VCAN: variants seen among roughly 807,000 people sequenced by gnomAD.
The protein encoded by VCAN is versican core protein.
VCAN carries 44 observed loss-of-function variants against 245.5 expected under a neutral mutation model. The observed-to-expected ratio is 0.18, with a 90% CI of 0.14 to 0.23. The LOEUF (loss-of-function observed/expected upper bound fraction) is 0.23, where lower values mean the gene tolerates loss of function less well. Ranked by LOEUF, VCAN falls within the 10% of genes least tolerant of loss-of-function variation. The pLI is 1.00. For synonymous variants in VCAN, 1,413 were observed against 1,437.0 expected (o/e 0.98, Z 0.38); for missense variants, 3,793 against 4,057.9 (o/e 0.93, Z 1.77).
chr5:83,522,022 A>C lies in VCAN; in HGVS notation c.3716A>C (p.Glu1239Ala). The C allele has an allele frequency of 6.2e-7, 1 of 1,614,220 alleles. No individual in the cohort carries two copies. Among genetic ancestry groups the C allele is most frequent in the South Asian group, 1.1e-5 (1 of 91,082 alleles). Residue 1239 changes from glutamate to alanine, a missense_variant, in exon 7 of 15, where the codon GAA becomes GCA. By Grantham distance (107) the Glu-to-Ala change is moderately radical. Transcript: ENST00000265077. ...ITKKPPLIDR[E>A]PGEETTSDMV... The stretch of plus-strand genomic sequence containing the variant: ...AAGAAACCACCTCTCATCGACAGGG[A>C]ACCTGGTGAAGAAACAACCAGTGAC...
intron 13 of VCAN, among the ~76,000 whole-genome samples, chr5:83,575,480 C>T (rs1224591215): frequency 6.6e-6 from 1 of 152,126 alleles, no homozygotes; most frequent in Admixed American, 6.6e-5. Flanking sequence ...CCAATGGTCC[C>T]TGGAGTCATA....
At chr5:83,491,565 TTCTC>T (rs143570594) in intron 3 of VCAN, among the ~76,000 whole-genome samples, 2 of 150,172 alleles carry the variant, frequency 1.3e-5, no homozygotes, top group Admixed American at 6.6e-5. Context: ...CTACTGTGAT[TTCTC>T]TCTCTCTCTC....
chr5:83,572,790 C>T (rs1480153508), intron 13 of VCAN, among the ~76,000 whole-genome samples: 43 of 152,152 alleles, frequency 2.8e-4, no homozygotes, highest in Admixed American at 3.9e-4. Context: ...GTGACATTAA[C>T]GTAGGAATGC....
chr5:83,522,323 T>C lies in VCAN; in HGVS notation c.4003+14T>C. On this transcript the variant is annotated intron_variant, in intron 7 of 14. Coordinates refer to ENST00000265077, the MANE Select transcript of VCAN (RefSeq NM_004385.5). ...AAAATAAGACAGGTAAGTCTTTGCT[T>C]TCTAGACTAGCATTGAAGGCAATCC... The C allele has an allele frequency of 6.3e-7, 1 of 1,597,890 alleles. No individual in the cohort carries two copies. The highest frequency in any genetic ancestry group is 8.5e-7 in the Non-Finnish European group (1 of 1,179,582).
intron 12 of VCAN, among the ~76,000 whole-genome samples, chr5:83,571,080 C>T (rs1264537312): frequency 6.6e-6 from 1 of 151,962 alleles, no homozygotes; most frequent in Non-Finnish European, 1.5e-5. Context: ...AGTTTGTCAC[C>T]ACTAATGTTG....
At chr5:83,528,989 T>TACACACACAC (rs58804437) in intron 7 of VCAN, among the ~76,000 whole-genome samples, 7,364 of 141,342 alleles carry the variant, frequency 0.052, 242 homozygotes, top group Admixed American at 0.083. Flanking sequence ...GAAACAAAGA[T>TACACACACAC]ACACACACAC....
intron 5 of VCAN, among the ~76,000 whole-genome samples, chr5:83,508,223 C>T (rs1745538919): frequency 6.6e-6 from 1 of 152,130 alleles, no homozygotes; most frequent in Non-Finnish European, 1.5e-5. Flanking sequence ...ACCCAGTCTG[C>T]TCACTTTGCT....
chr5:83,480,639 T>A (rs1744582803), intron 1 of VCAN, among the ~76,000 whole-genome samples: 1 of 152,204 alleles, frequency 6.6e-6, no homozygotes, highest in African/African-American at 2.4e-5. Flanking sequence ...TGGGAATTAT[T>A]AAGTTGAATA....
chr5:83,545,662 C>T lies in VCAN; in HGVS notation c.9379+12C>T. On this transcript the variant is annotated intron_variant, in intron 9 of 14. Coordinates refer to ENST00000265077, the MANE Select transcript of VCAN (RefSeq NM_004385.5). ...CCAGTGTGAACTTGGTAAGATGGTACTTGGCTGAAAAGGTGCAGTTCTTTC... is the reference window on the plus strand; with the variant it reads ...CCAGTGTGAACTTGGTAAGATGGTATTTGGCTGAAAAGGTGCAGTTCTTTC... The T allele has an allele frequency of 1.2e-6, 2 of 1,600,910 alleles. No individual in the cohort carries two copies. The highest frequency in any genetic ancestry group is 2.2e-5 in the East Asian group (1 of 44,780).
intron 13 of VCAN, among the ~76,000 whole-genome samples, chr5:83,574,878 C>G (rs573774446): frequency 6.6e-6 from 1 of 151,998 alleles, no homozygotes; most frequent in Non-Finnish European, 1.5e-5. Flanking sequence ...ATTTTAAAAG[C>G]GAATTTTTTA....
chr5:83,480,377 C>A lies in VCAN; in HGVS notation c.-6-3136C>A, dbSNP rs550380024. Among the ~76,000 whole-genome samples the A allele has an allele frequency of 3.9e-5, 6 of 152,182 alleles. No homozygotes were observed. In the South Asian group the frequency reaches 1.2e-3, roughly 32 times the overall value. On this transcript the variant is annotated intron_variant, in intron 1 of 14. Coordinates refer to ENST00000265077, the MANE Select transcript of VCAN (RefSeq NM_004385.5). Reference sequence around the variant, plus strand: ...GAAACTCAAATACAGAAGATCCTTTCCTGGGTCACACCTTTGGTTTTTTTA... The same window carrying A: ...GAAACTCAAATACAGAAGATCCTTTACTGGGTCACACCTTTGGTTTTTTTA...
At chr5:83,531,230 G>T (rs891483418) in intron 7 of VCAN, 1 of 152,164 alleles carries the variant, frequency 6.6e-6, no homozygotes, top group Non-Finnish European at 1.5e-5. Context: ...TTGATATACG[G>T]TGTCACTGTG....
intron 5 of VCAN, among the ~76,000 whole-genome samples, chr5:83,498,483 T>C (rs766896129): frequency 3.3e-5 from 5 of 152,222 alleles, no homozygotes; most frequent in Non-Finnish European, 5.9e-5. Flanking sequence ...AATTGCTTTC[T>C]GGATAGTTTC....
chr5:83,568,133 A>T (rs919571171), intron 12 of VCAN, among the ~76,000 whole-genome samples: 2 of 145,578 alleles, frequency 1.4e-5, no homozygotes, highest in African/African-American at 5.1e-5. Flanking sequence ...GCTAAAGTTA[A>T]TTTTTTTTTT....
rs556079620 is a variant in VCAN, at chr5:83,478,574, T to C, written c.-6-4939T>C. Among the ~76,000 whole-genome samples, 9 of 152,340 alleles carry C rather than the reference T, an allele frequency of 5.9e-5. No homozygotes were observed. In the South Asian group the frequency reaches 1.9e-3, roughly 32 times the overall value. ...GGCTCATCATAGGGAACCATTTAAA[T>C]AAAAGTTGCTGTATCCACCTAATGG... On this transcript the variant is annotated intron_variant, in intron 1 of 14. Transcript: ENST00000265077.
chr5:83,541,281 T>C lies in VCAN; in HGVS notation c.8278T>C (p.Ser2760Pro), dbSNP rs1369077171. ...TGAAGACAAAAAACATGCTGGTCCTTCTTTTCAGCCAGAATTCTCTTCAGG... is the reference window on the plus strand; with the variant it reads ...TGAAGACAAAAAACATGCTGGTCCTCCTTTTCAGCCAGAATTCTCTTCAGG... ...EYEDKKHAGP[S>P]FQPEFSSGAE... Residue 2760 changes from serine to proline, a missense_variant, in exon 8 of 15, where the codon TCT becomes CCT. Around this residue, in one of 5 missense-constraint regions of VCAN, gnomAD observed 3,182 missense variants for 3,250.3 expected, o/e 0.98. Transcript: ENST00000265077. 1.9e-6 allele frequency: 3 copies of C among 1,613,916 alleles called. No homozygotes were observed. The highest frequency in any genetic ancestry group is 1.7e-6 in the Non-Finnish European group (2 of 1,180,010).
chr5:83,485,932 T>A (rs1413655131), intron 2 of VCAN, among the ~76,000 whole-genome samples: 1 of 152,076 alleles, frequency 6.6e-6, no homozygotes, highest in African/African-American at 2.4e-5. Flanking sequence ...AGACCCTATC[T>A]CTACAAACAT....
At chr5:83,493,208 T>G (rs916522427) in intron 3 of VCAN, among the ~76,000 whole-genome samples, 8 of 152,222 alleles carry the variant, frequency 5.3e-5, no homozygotes, top group Non-Finnish European at 1.0e-4. Flanking sequence ...CTGCAGAATC[T>G]ACTCCCTTTA....
intron 5 of VCAN, among the ~76,000 whole-genome samples, chr5:83,496,112 A>T (rs1260998263): frequency 6.6e-6 from 1 of 152,154 alleles, no homozygotes; most frequent in Non-Finnish European, 1.5e-5. Context: ...CCTTCCAGGG[A>T]TTTCCTAGCC....
Sources: allele counts gnomAD v4.1 joint callset (sites outside exome capture counted in the v4.1 genomes callset), GRCh38; gene constraint gnomAD v4.1.1; regional missense constraint gnomAD v4.1.1; transcripts MANE v1.5; gene names NCBI Gene and HGNC (gene_info 2026-07-23, HGNC 2026-07-21).